NXN: variants seen among roughly 807,000 people sequenced by gnomAD.
The protein encoded by NXN is nucleoredoxin, also known as nucleoredoxin 1.
Under a neutral mutation model 48.6 loss-of-function variants are expected in NXN, and 16 were observed. The ratio of observed to expected loss-of-function variants is 0.33; its 90% CI spans 0.22 to 0.50. NXN has a LOEUF of 0.50. NXN is among the 20% of genes least tolerant of loss of function. The probability of loss-of-function intolerance (pLI) is 0.98; values close to 1 mark genes in which losing one functional copy is unlikely to be tolerated. For synonymous variants in NXN, 281 were observed against 269.6 expected (o/e 1.04, Z -0.41); for missense variants, 492 against 605.5 (o/e 0.81, Z 1.97).
intron 5 of NXN, among the ~76,000 whole-genome samples, chr17:816,984 G>C (rs927240016): frequency 6.6e-6 from 1 of 152,082 alleles, no homozygotes; most frequent in Admixed American, 6.5e-5. Context: ...TCCAACTTGG[G>C]GCCTTTTCTT....
intron 5 of NXN, among the ~76,000 whole-genome samples, chr17:807,158 C>T (rs1318907846): frequency 6.6e-6 from 1 of 152,196 alleles, no homozygotes; most frequent in Non-Finnish European, 1.5e-5. Flanking sequence ...GAGGCTGCAG[C>T]CCAAAGGGAA....
At chr17:842,914 G>A (rs937134779) in intron 1 of NXN, among the ~76,000 whole-genome samples, 4 of 151,556 alleles carry the variant, frequency 2.6e-5, no homozygotes, top group Non-Finnish European at 4.4e-5. Flanking sequence ...ACTCCAGCCT[G>A]GGCAACAAGA....
chr17:917,838 G>C lies in NXN; in HGVS notation c.360+61481C>G, dbSNP rs957736174. 1.3e-5 allele frequency among the ~76,000 whole-genome samples: 2 copies of C among 152,186 alleles called. No individual in the cohort carries two copies. The highest frequency in any genetic ancestry group is 2.9e-5 in the Non-Finnish European group (2 of 68,036). On this transcript the variant is annotated intron_variant, in intron 1 of 7. Coordinates refer to ENST00000336868, the MANE Select transcript of NXN (RefSeq NM_022463.5). The surrounding 1 kb of genome is among the most constrained non-coding windows in gnomAD (Gnocchi z 4.5). ...GGATGGGAAAGGGGATAAGCGACAGGAGAGGGGGGACTCCCGTTCCAAACA... is the reference window on the plus strand; with the variant it reads ...GGATGGGAAAGGGGATAAGCGACAGCAGAGGGGGGACTCCCGTTCCAAACA...
At chr17:824,425 C>T (rs560253946) in intron 2 of NXN, among the ~76,000 whole-genome samples, 2 of 152,260 alleles carry the variant, frequency 1.3e-5, no homozygotes, top group South Asian at 4.1e-4. Flanking sequence ...CAAAGATGTA[C>T]GTGCAAAATG....
At chr17:931,999 C>G (rs976440237) in intron 1 of NXN, among the ~76,000 whole-genome samples, 2 of 147,586 alleles carry the variant, frequency 1.4e-5, no homozygotes, top group Non-Finnish European at 2.9e-5. Context: ...CAAAAATTAG[C>G]CAGGTGTGGT....
chr17:811,693 G>A (rs545102685), intron 5 of NXN, among the ~76,000 whole-genome samples: 1 of 152,238 alleles, frequency 6.6e-6, no homozygotes, highest in South Asian at 2.1e-4. Flanking sequence ...CTTTGGCCAG[G>A]CCGGCCTGGG....
At chr17:927,141 G>A (rs1298029166) in intron 1 of NXN, among the ~76,000 whole-genome samples, 5 of 151,528 alleles carry the variant, frequency 3.3e-5, no homozygotes, top group South Asian at 2.1e-4. Flanking sequence ...GTGAAACCCC[G>A]CCTCTACTAA....
chr17:872,766 G>A (rs531528561), intron 1 of NXN, among the ~76,000 whole-genome samples: 9 of 151,890 alleles, frequency 5.9e-5, no homozygotes, highest in East Asian at 1.9e-4. Context: ...GATTACAGGC[G>A]CCTGCCACCA....
intron 1 of NXN, among the ~76,000 whole-genome samples, chr17:966,759 T>C (rs899272581): frequency 7.2e-6 from 1 of 139,098 alleles, no homozygotes; most frequent in Non-Finnish European, 1.5e-5. Flanking sequence ...CCTCTGTGCC[T>C]GGACAGACCA....
At chr17:946,966 C>T (rs916184732) in intron 1 of NXN, among the ~76,000 whole-genome samples, 4 of 152,184 alleles carry the variant, frequency 2.6e-5, no homozygotes, top group African/African-American at 9.6e-5. Context: ...CTGGTTCAGC[C>T]ACGTATCAGC....
At position 817,948 on chromosome 17, in the gene NXN, A is replaced by T. The variant is rs1477816557; in HGVS notation, c.820+1491T>A. Among the ~76,000 whole-genome samples, 5 of 151,846 alleles carry T rather than the reference A, an allele frequency of 3.3e-5. No individual in the cohort carries two copies. The East Asian group carries it at 7.7e-4, about 23-fold the overall frequency. ...TTCACACGATAAAGAATAAAAATAC[A>T]TTCAGTCTCATTAACAATCATTATT... On this transcript the variant is annotated intron_variant, in intron 5 of 7. Transcript: ENST00000336868.
intron 1 of NXN, among the ~76,000 whole-genome samples, chr17:961,399 A>T (rs547676444): frequency 1.3e-5 from 2 of 151,846 alleles, no homozygotes; most frequent in South Asian, 2.1e-4. Context: ...AAAAAAAAAA[A>T]GAAAAAGAAA....
At chr17:911,879 G>C (rs1196646925) in intron 1 of NXN, among the ~76,000 whole-genome samples, 1 of 151,170 alleles carries the variant, frequency 6.6e-6, no homozygotes, top group African/African-American at 2.4e-5. Context: ...CCAGATCCCA[G>C]TCTGGCCCTC....
intron 1 of NXN, chr17:878,101 G>GT (rs1323131766): frequency 2.0e-5 from 3 of 151,980 alleles, no homozygotes; most frequent in Non-Finnish European, 4.4e-5. Flanking sequence ...CAATGACGCC[G>GT]TAACAGAGAT....
At chr17:844,268 C>T (rs1427864708) in intron 1 of NXN, among the ~76,000 whole-genome samples, 1 of 148,928 alleles carries the variant, frequency 6.7e-6, no homozygotes, top group East Asian at 2.0e-4. Flanking sequence ...TCCCACCCAT[C>T]CTTAGCTGGA....
chr17:843,064 A>AAAGAAAGAAAGCAAGC (rs1247377678), intron 1 of NXN, among the ~76,000 whole-genome samples: 1 of 138,134 alleles, frequency 7.2e-6, no homozygotes, highest in African/African-American at 2.7e-5. Context: ...AAGAAGGAAG[A>AAAGAAAGAAAGCAAGC]AAGCAAGCAA....
chr17:899,649 T>C (rs2068519431), intron 1 of NXN, among the ~76,000 whole-genome samples: 1 of 152,184 alleles, frequency 6.6e-6, no homozygotes, highest in Admixed American at 6.5e-5. Context: ...CTCTCCTCTC[T>C]GTTACGGAGA....
intron 1 of NXN, among the ~76,000 whole-genome samples, chr17:921,011 C>T (rs2068745907): frequency 1.3e-5 from 2 of 152,114 alleles, no homozygotes; most frequent in African/African-American, 2.4e-5. Context: ...TGTGAGCCAC[C>T]GTGCCCAGCC....
chr17:972,643 G>C (rs1449766892), intron 1 of NXN, among the ~76,000 whole-genome samples: 1 of 152,206 alleles, frequency 6.6e-6, no homozygotes, highest in African/African-American at 2.4e-5. Flanking sequence ...CAAGGGGTTT[G>C]TTCAACCCCG....
Sources: allele counts gnomAD v4.1 joint callset (sites outside exome capture counted in the v4.1 genomes callset), GRCh38; gene constraint gnomAD v4.1.1; non-coding constraint Gnocchi (gnomAD v3.1); transcripts MANE v1.5; gene names NCBI Gene and HGNC (gene_info 2026-07-23, HGNC 2026-07-21).